ROR2: variants seen among roughly 807,000 people sequenced by gnomAD.
The protein encoded by ROR2 is tyrosine-protein kinase transmembrane receptor ROR2.
ROR2 carries 33 observed loss-of-function variants against 74.9 expected under a neutral mutation model. That is an observed-to-expected ratio of 0.44 (90% CI 0.33 to 0.59). The LOEUF (loss-of-function observed/expected upper bound fraction) is 0.59, where lower values mean the gene tolerates loss of function less well. ROR2 is among the 20% of genes least tolerant of loss of function. The pLI is 0.02. For missense variants in ROR2, 1,216 were observed against 1,313.8 expected (o/e 0.93, Z 1.15); for synonymous variants, 586 against 558.7 (o/e 1.05, Z -0.69).
At chr9:91,792,007 C>A (rs1826997559) in intron 1 of ROR2, among the ~76,000 whole-genome samples, 1 of 152,086 alleles carries the variant, frequency 6.6e-6, no homozygotes, top group African/African-American at 2.4e-5. Context: ...CAACAAGGCA[C>A]AGAAGAAATC....
At chr9:91,918,212 G>A in intron 1 of ROR2, among the ~76,000 whole-genome samples, 1 of 150,282 alleles carries the variant, frequency 6.7e-6, no homozygotes, top group Non-Finnish European at 1.5e-5. Flanking sequence ...AGCTTGCAGT[G>A]AGCTGAGATT....
At chr9:91,753,630 C>T (rs562277695) in intron 4 of ROR2, among the ~76,000 whole-genome samples, 41 of 152,210 alleles carry the variant, frequency 2.7e-4, no homozygotes, top group Admixed American at 1.2e-3. Context: ...CGCGGTGGCA[C>T]GAGTGGCTGG....
At chr9:91,818,905 C>T (rs763961730) in intron 1 of ROR2, among the ~76,000 whole-genome samples, 12 of 152,200 alleles carry the variant, frequency 7.9e-5, no homozygotes, top group African/African-American at 1.2e-4. Flanking sequence ...AGGGCCTCCC[C>T]AGCCTGCAGA....
chr9:91,808,738 C>A (rs549896866), intron 1 of ROR2, among the ~76,000 whole-genome samples: 25 of 150,100 alleles, frequency 1.7e-4, no homozygotes, highest in Non-Finnish European at 3.6e-4. Flanking sequence ...GAGGGCGGAT[C>A]ACGAGGTCAG....
intron 4 of ROR2, among the ~76,000 whole-genome samples, chr9:91,745,761 G>T (rs1825391990): frequency 6.6e-6 from 1 of 152,070 alleles, no homozygotes; most frequent in Non-Finnish European, 1.5e-5. Context: ...ATCTATTCTC[G>T]AATTATCTTA....
Position 91,726,531 on chromosome 9 carries a change from G to A in ROR2, c.1386+10C>T. The A allele has an allele frequency of 1.2e-6, 2 of 1,611,046 alleles. No homozygotes were observed. The highest frequency in any genetic ancestry group is 1.7e-6 in the Non-Finnish European group (2 of 1,179,562). On this transcript the variant is annotated intron_variant, in intron 8 of 8. Transcript: ENST00000375708. ...GAGCCACCCGGGTAGAAAATGTAAG[G>A]CATGGAGACCTGTTTGTGCTGGTTA...
intron 1 of ROR2, among the ~76,000 whole-genome samples, chr9:91,781,565 G>C (rs770184652): frequency 6.6e-6 from 1 of 152,170 alleles, no homozygotes; most frequent in Non-Finnish European, 1.5e-5. Flanking sequence ...AGACTGTTTC[G>C]GGGAATGCTC....
chr9:91,919,411 G>A (rs149897047), intron 1 of ROR2, among the ~76,000 whole-genome samples: 27 of 152,216 alleles, frequency 1.8e-4, no homozygotes, highest in African/African-American at 6.0e-4. Flanking sequence ...AGGCCAACTC[G>A]TGTAATAACA....
At chr9:91,937,220 C>G (rs1831723546) in intron 1 of ROR2, among the ~76,000 whole-genome samples, 1 of 152,116 alleles carries the variant, frequency 6.6e-6, no homozygotes, top group African/African-American at 2.4e-5. Context: ...CCAGAGGCGC[C>G]TGTGGACCCA....
At chr9:91,801,874 G>GCC (rs1438437897) in intron 1 of ROR2, among the ~76,000 whole-genome samples, 1 of 152,158 alleles carries the variant, frequency 6.6e-6, no homozygotes, top group African/African-American at 2.4e-5. Context: ...GCTTGGCAAG[G>GCC]CAGGGTAAAG....
At chr9:91,786,596 C>T (rs1826811561) in intron 1 of ROR2, among the ~76,000 whole-genome samples, 1 of 152,154 alleles carries the variant, frequency 6.6e-6, no homozygotes, top group Admixed American at 6.5e-5. Flanking sequence ...GCCAAGGCCA[C>T]CAACCTCGCA....
intron 1 of ROR2, among the ~76,000 whole-genome samples, chr9:91,825,428 C>A (rs1033123987): frequency 6.6e-6 from 1 of 152,198 alleles, no homozygotes; most frequent in Non-Finnish European, 1.5e-5. Context: ...GTGGTGAGAA[C>A]ATAAAACAGA....
At chr9:91,845,918 C>T (rs1428469362) in intron 1 of ROR2, among the ~76,000 whole-genome samples, 2 of 141,764 alleles carry the variant, frequency 1.4e-5, no homozygotes, top group Non-Finnish European at 3.0e-5. Context: ...ATAGGTGTAC[C>T]TTATGAAGAG....
At chr9:91,909,842 G>GTGTTT (rs1830913177) in intron 1 of ROR2, among the ~76,000 whole-genome samples, 1 of 55,978 alleles carries the variant, frequency 1.8e-5, no homozygotes, top group Non-Finnish European at 3.2e-5. Context: ...TTTTAGGTTT[G>GTGTTT]TTTTGTTTTT....
intron 1 of ROR2, among the ~76,000 whole-genome samples, chr9:91,806,398 C>T (rs1047851532): frequency 2.0e-5 from 3 of 151,976 alleles, no homozygotes; most frequent in African/African-American, 7.3e-5. Flanking sequence ...TATGAGGGTT[C>T]CACCCTCCTG....
At chr9:91,735,338 T>G (rs1824983108) in intron 5 of ROR2, among the ~76,000 whole-genome samples, 1 of 152,128 alleles carries the variant, frequency 6.6e-6, no homozygotes, top group Admixed American at 6.5e-5. Flanking sequence ...AACTTCAAAT[T>G]TACTGTTTTC....
intron 1 of ROR2, among the ~76,000 whole-genome samples, chr9:91,880,284 C>G (rs77265149): frequency 0.031 from 4,648 of 152,268 alleles, 118 homozygotes; most frequent in Non-Finnish European, 0.045. Context: ...ACCTGGACCT[C>G]AGACTTCTGG....
At chr9:91,738,616 C>A (rs1344323524) in intron 4 of ROR2, among the ~76,000 whole-genome samples, 2 of 152,196 alleles carry the variant, frequency 1.3e-5, no homozygotes, top group African/African-American at 4.8e-5. Flanking sequence ...AAGCAATACA[C>A]AAATGTATTC....
chr9:91,903,942 G>C (rs1311137949), intron 1 of ROR2, among the ~76,000 whole-genome samples: 1 of 152,188 alleles, frequency 6.6e-6, no homozygotes, highest in Non-Finnish European at 1.5e-5. Context: ...TTAAAGGAGA[G>C]TGGTTTTAGA....
Sources: gnomAD v4.1 joint callset for allele counts (sites outside exome capture counted in the v4.1 genomes callset) on GRCh38, gnomAD v4.1.1 for gene constraint, MANE v1.5 for transcripts, NCBI Gene and HGNC (gene_info 2026-07-23, HGNC 2026-07-21) for gene names.